Variants in GPC6 observed in about 807,000 individuals in gnomAD.
The protein encoded by GPC6 is glypican-6.
A neutral mutation model predicts 55.2 loss-of-function variants in GPC6; 14 were observed. The ratio of observed to expected loss-of-function variants is 0.25; its 90% CI spans 0.17 to 0.40. The LOEUF is 0.40. Among genes scored for constraint, GPC6 ranks in the 10% least tolerant of loss-of-function variants. GPC6 has a pLI of 1.00. For missense variants in GPC6, 641 were observed against 708.5 expected, an observed-to-expected ratio of 0.90 and a Z score of 1.08; for synonymous variants, 278 against 259.6, an observed-to-expected ratio of 1.07 and a Z score of -0.68.
intron 6 of GPC6, among the ~76,000 whole-genome samples, chr13:94,322,051 A>G (rs572483844): frequency 6.6e-6 from 1 of 152,146 alleles, no homozygotes; most frequent in South Asian, 2.1e-4. Flanking sequence ...TCTCCACCCA[A>G]ATTTCATCTG....
At chr13:94,213,070 C>T (rs1890127128) in intron 4 of GPC6, among the ~76,000 whole-genome samples, 2 of 152,126 alleles carry the variant, frequency 1.3e-5, no homozygotes, top group Admixed American at 1.3e-4. Context: ...GCAGGAGAAT[C>T]ACTTGAACCC....
intron 2 of GPC6, among the ~76,000 whole-genome samples, chr13:93,798,701 C>G (rs1241495356): frequency 6.6e-6 from 1 of 151,958 alleles, no homozygotes; most frequent in Non-Finnish European, 1.5e-5. Flanking sequence ...GGCAGATCAC[C>G]TGAGGTCAGA....
At chr13:94,131,923 T>C (rs1169894708) in intron 4 of GPC6, among the ~76,000 whole-genome samples, 5 of 152,168 alleles carry the variant, frequency 3.3e-5, no homozygotes, top group Non-Finnish European at 7.3e-5. Context: ...CATAGTCAAA[T>C]AGTTTAGGAA....
At chr13:93,622,085 CATATATGAGTGAGA>C (rs1878979374) in intron 2 of GPC6, among the ~76,000 whole-genome samples, 1 of 152,110 alleles carries the variant, frequency 6.6e-6, no homozygotes, top group South Asian at 2.1e-4. Context: ...TTTTAGTTCC[CATATATGAGTGAGA>C]ACATGTGTCA....
chr13:93,443,793 C>T (rs923817319), intron 1 of GPC6, among the ~76,000 whole-genome samples: 2 of 152,106 alleles, frequency 1.3e-5, no homozygotes, highest in African/African-American at 4.8e-5. Context: ...GAATGAATGG[C>T]CTTAATCATG....
intron 2 of GPC6, among the ~76,000 whole-genome samples, chr13:93,823,113 A>G (rs2138969063): frequency 6.6e-6 from 1 of 152,046 alleles, no homozygotes; most frequent in South Asian, 2.1e-4. Flanking sequence ...TCCGCCTGCC[A>G]TGGCCTTTCA....
intron 3 of GPC6, among the ~76,000 whole-genome samples, chr13:94,014,860 A>G (rs1882397848): frequency 6.6e-6 from 1 of 152,240 alleles, no homozygotes; most frequent in South Asian, 2.1e-4. Flanking sequence ...TGCAGTATGT[A>G]TCCAAATTTT....
rs571997573 is a variant in GPC6, at chr13:94,152,770, C to T, written c.877+124876C>T. Among the ~76,000 whole-genome samples, 4 of 152,126 alleles carry T rather than the reference C, an allele frequency of 2.6e-5. No homozygotes were observed. In the South Asian group the frequency reaches 8.3e-4, roughly 32 times the overall value. ...ACCTAAGTGAAGAACAGTAATTTAC[C>T]CTTAGGGGAATTTATGCTCCCATAA... On this transcript the variant is annotated intron_variant, in intron 4 of 8. Transcript: ENST00000377047.
Position 93,766,978 on chromosome 13 carries a change from AT to A in GPC6, c.320-63165del, listed in dbSNP as rs993689710. Among the ~76,000 whole-genome samples, 440 of 148,624 alleles carry A rather than the reference AT, an allele frequency of 3.0e-3. 1 individual carries two copies. The highest frequency in any genetic ancestry group is 9.2e-3 in the African/African-American group (376 of 40,694). On this transcript the variant is annotated intron_variant, in intron 2 of 8. Transcript: ENST00000377047. ...AACACAGTGCTTTAAAATGCACTTA[AT>A]TTTTTTTTTTCCCCCGCGGTGGTGG...
chr13:93,717,971 T>C (rs2138818350), intron 2 of GPC6, among the ~76,000 whole-genome samples: 1 of 152,048 alleles, frequency 6.6e-6, no homozygotes, highest in African/African-American at 2.4e-5. Flanking sequence ...TAGTATTCCA[T>C]GGTATATATG....
intron 2 of GPC6, among the ~76,000 whole-genome samples, chr13:93,812,070 A>G (rs540630301): frequency 2.0e-5 from 3 of 149,644 alleles, no homozygotes; most frequent in South Asian, 4.2e-4. Context: ...CTGAAAGACC[A>G]TAAAGAGGGA....
chr13:93,643,338 G>A (rs1396456845), intron 2 of GPC6, among the ~76,000 whole-genome samples: 1 of 151,940 alleles, frequency 6.6e-6, no homozygotes, highest in Non-Finnish European at 1.5e-5. Flanking sequence ...TTACCTCCTG[G>A]CCTCTAAGAG....
intron 2 of GPC6, among the ~76,000 whole-genome samples, chr13:93,668,667 A>G (rs1881239095): frequency 6.6e-6 from 1 of 152,190 alleles, no homozygotes; most frequent in Admixed American, 6.5e-5. Context: ...CAGGCCAAGC[A>G]ACCCCTGGAG....
intron 4 of GPC6, among the ~76,000 whole-genome samples, chr13:94,034,909 GATATAA>G (rs1321919033): frequency 2.0e-5 from 3 of 149,946 alleles, no homozygotes; most frequent in Non-Finnish European, 4.4e-5. Context: ...ACTAAATATA[GATATAA>G]ATATATATTA....
intron 5 of GPC6, among the ~76,000 whole-genome samples, chr13:94,291,938 C>G (rs1875001864): frequency 6.6e-6 from 1 of 152,120 alleles, no homozygotes; most frequent in Admixed American, 6.5e-5. Context: ...TTGGCAACTT[C>G]TCCTTTGGAA....
intron 3 of GPC6, among the ~76,000 whole-genome samples, chr13:93,910,949 T>A (rs1186365532): frequency 3.3e-5 from 5 of 152,214 alleles, no homozygotes; most frequent in African/African-American, 1.2e-4. Flanking sequence ...GCTGCAGCAA[T>A]TCAGCACTGT....
intron 4 of GPC6, among the ~76,000 whole-genome samples, chr13:94,111,673 A>T (rs2138840469): frequency 6.6e-6 from 1 of 152,090 alleles, no homozygotes; most frequent in East Asian, 1.9e-4. Context: ...ATAATATAGA[A>T]TCATTATAGC....
chr13:94,274,513 G>C (rs1313380262), intron 4 of GPC6, among the ~76,000 whole-genome samples: 1 of 152,124 alleles, frequency 6.6e-6, no homozygotes, highest in African/African-American at 2.4e-5. Context: ...GATTTCTGTA[G>C]CTACATCTGA....
chr13:93,334,168 T>C (rs1879960693), intron 1 of GPC6, among the ~76,000 whole-genome samples: 1 of 152,176 alleles, frequency 6.6e-6, no homozygotes, highest in African/African-American at 2.4e-5. Flanking sequence ...ATGCCTGCTC[T>C]GTAATAAAGT....
Sources: allele counts gnomAD v4.1 joint callset (sites outside exome capture counted in the v4.1 genomes callset), GRCh38; gene constraint gnomAD v4.1.1; transcripts MANE v1.5; gene names NCBI Gene and HGNC (gene_info 2026-07-23, HGNC 2026-07-21).